CNTLN: variants seen among roughly 807,000 people sequenced by gnomAD.
The protein encoded by CNTLN is centlein, centrosomal protein.
A neutral mutation model predicts 180.0 loss-of-function variants in CNTLN; 212 were observed. The observed-to-expected ratio is 1.18, with a 90% CI of 1.05 to 1.32. CNTLN has a LOEUF of 1.32. CNTLN is among the 40% of genes most tolerant of loss of function. The pLI, the probability that CNTLN is intolerant of heterozygous loss-of-function variation, is 0.00. For missense variants in CNTLN, 2,095 were observed against 1,610.9 expected (o/e 1.30, Z -5.14); for synonymous variants, 722 against 563.1 (o/e 1.28, Z -3.99).
chr9:17,277,329 A>G (rs756972864), intron 6 of CNTLN, among the ~76,000 whole-genome samples: 7 of 152,092 alleles, frequency 4.6e-5, no homozygotes, highest in Non-Finnish European at 8.8e-5. Flanking sequence ...TTTGTTAGAA[A>G]TTGAGTCAAG....
chr9:17,175,661 G>T (rs1004076947), intron 2 of CNTLN, among the ~76,000 whole-genome samples: 47 of 152,114 alleles, frequency 3.1e-4, no homozygotes, highest in African/African-American at 1.1e-3. Context: ...GAAGACTCTT[G>T]TCTCTATTTT....
In CNTLN at chr9:17,372,442, T is replaced by C. The variant is rs182272398; in HGVS notation, c.1987+5725T>C. ...TTGAACCATGAAGAAATCCAGAGCC[T>C]CAACGGAACTATAATAAGTAAAGAC... On this transcript the variant is annotated intron_variant, in intron 13 of 25. Transcript: ENST00000380647. 2.0e-3 allele frequency among the ~76,000 whole-genome samples: 304 copies of C among 152,152 alleles called. 1 individual carries two copies. The highest frequency in any genetic ancestry group is 6.9e-3 in the African/African-American group (285 of 41,522).
chr9:17,505,682 T>C (rs1456453533), downstream of CNTLN, among the ~76,000 whole-genome samples: 1 of 152,132 alleles, frequency 6.6e-6, no homozygotes, highest in Non-Finnish European at 1.5e-5. Flanking sequence ...TTAGGATACT[T>C]ATGTTAAAGA....
At chr9:17,517,365 C>G in the CNTLN span, among the ~76,000 whole-genome samples, 46 of 148,592 alleles carry the variant, frequency 3.1e-4, no homozygotes, top group African/African-American at 1.1e-3. Flanking sequence ...GCACTCCAGC[C>G]TGGGCAACAG....
Position 17,228,358 on chromosome 9 carries a change from T to G in CNTLN, c.534+2071T>G, listed in dbSNP as rs537044975. On this transcript the variant is annotated intron_variant, in intron 3 of 25. Coordinates refer to ENST00000380647, the MANE Select transcript of CNTLN (RefSeq NM_017738.4). Reference sequence around the variant, plus strand: ...TATATAACATATTAAACTCTCATAATAGAAATTATTTGCTTTGTAGGGACC... The same window carrying G: ...TATATAACATATTAAACTCTCATAAGAGAAATTATTTGCTTTGTAGGGACC... 5.3e-5 allele frequency among the ~76,000 whole-genome samples: 8 copies of G among 152,206 alleles called. No individual in the cohort carries two copies. In the South Asian group the frequency reaches 1.7e-3, roughly 32 times the overall value.
At position 17,394,753 on chromosome 9, in the gene CNTLN, C is replaced by T; in HGVS notation, c.2299C>T (p.Leu767=). 6.2e-7 allele frequency: 1 copy of T among 1,613,862 alleles called. No individual in the cohort carries two copies. The highest frequency in any genetic ancestry group is 8.5e-7 in the Non-Finnish European group (1 of 1,179,926). The change falls in exon 15 of 26, where the codon CTG becomes TTG. Residue 767 remains leucine (L), a synonymous_variant. Coordinates refer to ENST00000380647, the MANE Select transcript of CNTLN (RefSeq NM_017738.4). ...TGAACTTCAAGTAAAAATCAGTGAG[C>T]TGGAGACAGAAGTCACTTCCCTGAG... ...NTELQVKISE[L]ETEVTSLRRQ...
At chr9:17,433,171 A>T (rs1484516323) in intron 18 of CNTLN, among the ~76,000 whole-genome samples, 2 of 152,164 alleles carry the variant, frequency 1.3e-5, no homozygotes, top group East Asian at 3.8e-4. Context: ...AGAGTAAAAA[A>T]AGTGACAAAT....
intron 15 of CNTLN, among the ~76,000 whole-genome samples, chr9:17,395,526 C>T (rs1826451441): frequency 6.6e-6 from 1 of 152,170 alleles, no homozygotes; most frequent in Non-Finnish European, 1.5e-5. Flanking sequence ...TTGAATGACC[C>T]ATTTCAGCTT....
At chr9:17,255,424 T>C (rs1363696303) in intron 5 of CNTLN, among the ~76,000 whole-genome samples, 1 of 151,060 alleles carries the variant, frequency 6.6e-6, no homozygotes, top group Non-Finnish European at 1.5e-5. Flanking sequence ...TCAAATGTTT[T>C]TTCTGTATCG....
intron 24 of CNTLN, 61 bp downstream of exon 24, chr9:17,484,541 T>G: frequency 7.8e-7 from 1 of 1,288,572 alleles, no homozygotes; most frequent in Middle Eastern, 1.9e-4. Context: ...TAAGTAGATA[T>G]TTTTATTTGT....
chr9:17,509,938 A>G, the CNTLN span, among the ~76,000 whole-genome samples: 1 of 152,212 alleles, frequency 6.6e-6, no homozygotes, highest in Non-Finnish European at 1.5e-5. Context: ...CCAAAGCAAC[A>G]GACAAAGAAG....
chr9:17,411,195 G>A (rs1827816029), intron 16 of CNTLN, among the ~76,000 whole-genome samples: 1 of 151,966 alleles, frequency 6.6e-6, no homozygotes, highest in South Asian at 2.1e-4. Context: ...ATGTATCCTG[G>A]CCTGGATACC....
At chr9:17,285,422 G>T (rs1200915709) in intron 6 of CNTLN, among the ~76,000 whole-genome samples, 1 of 148,626 alleles carries the variant, frequency 6.7e-6, no homozygotes, top group Non-Finnish European at 1.5e-5. Flanking sequence ...CATTTGGGTT[G>T]GTTCCAAGTC....
At chr9:17,378,572 CTTATT>C (rs1205530304) in intron 13 of CNTLN, among the ~76,000 whole-genome samples, 3 of 152,166 alleles carry the variant, frequency 2.0e-5, no homozygotes, top group Admixed American at 2.0e-4. Flanking sequence ...TCTTCAAATT[CTTATT>C]TTATTTTTGG....
chr9:17,290,283 C>G lies in CNTLN; in HGVS notation c.984-7907C>G, dbSNP rs867439206. 3.6e-3 allele frequency among the ~76,000 whole-genome samples: 551 copies of G among 151,646 alleles called. 1 individual carries two copies. The highest frequency in any genetic ancestry group is 5.3e-3 in the Non-Finnish European group (357 of 67,788). ...ATACCCTGCCATGTGAGGTGTCAGT[C>G]TGCCCCTGCTGGGGGGTGCCTCCCA... On this transcript the variant is annotated intron_variant, in intron 6 of 25. Transcript: ENST00000380647.
chr9:17,165,066 C>T lies in CNTLN; in HGVS notation c.449+21690C>T, dbSNP rs567800205. On this transcript the variant is annotated intron_variant, in intron 2 of 25. Coordinates refer to ENST00000380647, the MANE Select transcript of CNTLN (RefSeq NM_017738.4). ...TGTTGGCCAGGCTGGTCTTGAACTC[C>T]TGACCTCGTGATCCATCCTCCTTGG... Among the ~76,000 whole-genome samples, 8 of 151,780 alleles carry T rather than the reference C, an allele frequency of 5.3e-5. No homozygotes were observed. The East Asian group carries it at 1.6e-3, about 30-fold the overall frequency.
At chr9:17,269,388 A>G (rs907806524) in intron 5 of CNTLN, among the ~76,000 whole-genome samples, 1 of 152,116 alleles carries the variant, frequency 6.6e-6, no homozygotes, top group Non-Finnish European at 1.5e-5. Flanking sequence ...AATGTACTAC[A>G]TACTTAACAG....
intron 5 of CNTLN, among the ~76,000 whole-genome samples, chr9:17,268,636 G>C (rs548462284): frequency 3.3e-5 from 5 of 152,194 alleles, no homozygotes; most frequent in Non-Finnish European, 5.9e-5. Flanking sequence ...CCTGCCCCCA[G>C]AGGTGGAGCC....
Position 17,394,748 on chromosome 9 carries a change from G to T in CNTLN, c.2294G>T (p.Ser765Ile). The change falls in exon 15 of 26, where the codon AGT becomes ATT. Residue 765 changes from serine (S) to isoleucine (I), a missense_variant. Coordinates refer to ENST00000380647, the MANE Select transcript of CNTLN (RefSeq NM_017738.4). ...KENTELQVKI[S>I]ELETEVTSLR... The stretch of plus-strand genomic sequence containing the variant: ...AATACTGAACTTCAAGTAAAAATCA[G>T]TGAGCTGGAGACAGAAGTCACTTCC... The T allele has an allele frequency of 6.2e-7, 1 of 1,613,996 alleles. No homozygotes were observed. The highest frequency in any genetic ancestry group is 8.5e-7 in the Non-Finnish European group (1 of 1,179,954).
Sources: allele counts gnomAD v4.1 joint callset (sites outside exome capture counted in the v4.1 genomes callset), GRCh38; gene constraint gnomAD v4.1.1; transcripts MANE v1.5; gene names NCBI Gene and HGNC (gene_info 2026-07-23, HGNC 2026-07-21).